Variants in TUT7 observed in about 807,000 individuals in gnomAD.
The protein encoded by TUT7 is terminal uridylyltransferase 7.
A neutral mutation model predicts 165.9 loss-of-function variants in TUT7; 33 were observed. The observed-to-expected ratio is 0.20, with a 90% CI of 0.15 to 0.27. The LOEUF is 0.27. Among genes scored for constraint, TUT7 ranks in the 10% least tolerant of loss-of-function variants. TUT7 has a pLI of 1.00. For synonymous variants in TUT7, 552 were observed against 608.1 expected, an observed-to-expected ratio of 0.91 and a Z score of 1.36; for missense variants, 1,338 against 1,762.3, an observed-to-expected ratio of 0.76 and a Z score of 4.31.
chr9:86,299,582 G>T (rs1048206275), intron 26 of TUT7, among the ~76,000 whole-genome samples: 61 of 152,124 alleles, frequency 4.0e-4, no homozygotes, highest in African/African-American at 1.4e-3. Flanking sequence ...CATTCTGAAG[G>T]GACCACATTT....
At chr9:86,341,261 C>A (rs887834423) in intron 6 of TUT7, among the ~76,000 whole-genome samples, 3 of 152,158 alleles carry the variant, frequency 2.0e-5, no homozygotes, top group African/African-American at 4.8e-5. Flanking sequence ...GGGCAAGAGA[C>A]CTACTATACA....
At position 86,346,445 on chromosome 9, in the gene TUT7, G is replaced by A. The variant is rs370301209; in HGVS notation, c.556C>T (p.Arg186Trp). The A allele has an allele frequency of 8.1e-6, 13 of 1,613,774 alleles. No homozygotes were observed. Among genetic ancestry groups the A allele is most frequent in the African/African-American group, 8.0e-5 (6 of 74,878 alleles). ...KKQRSRPRKP[R>W]KTRNEENEQD... ...TCATTTTCCTCATTTCTAGTCTTCC[G>A]TGGCTTCCTAGGTCTGGACCTCTGC... is the stretch of plus-strand genomic sequence containing the variant. Residue 186 changes from arginine to tryptophan, a missense_variant, in exon 3 of 27, where the codon CGG becomes TGG. By Grantham distance (101) the Arg-to-Trp change is moderately radical. Coordinates refer to ENST00000375963, the MANE Select transcript of TUT7 (RefSeq NM_024617.4).
intron 8 of TUT7, among the ~76,000 whole-genome samples, chr9:86,339,755 C>T (rs1192807182): frequency 2.0e-5 from 3 of 152,220 alleles, no homozygotes; most frequent in African/African-American, 7.2e-5. Context: ...CAGGTGATTA[C>T]AGCAAGTAAC....
chr9:86,291,187 A>C (rs1249369502), intron 26 of TUT7, among the ~76,000 whole-genome samples: 1 of 152,222 alleles, frequency 6.6e-6, no homozygotes, highest in Non-Finnish European at 1.5e-5. Context: ...AGCGGTATTC[A>C]GAATAAATGA....
chr9:86,301,909 T>C (rs1057406544), intron 25 of TUT7: 1 of 955,258 alleles, frequency 1.0e-6, no homozygotes, highest in African/African-American at 1.8e-5. Flanking sequence ...AGGCAAATCA[T>C]CCATGGAGTG....
At chr9:86,339,166 T>G (rs1587991461) in intron 8 of TUT7, among the ~76,000 whole-genome samples, 1 of 152,314 alleles carries the variant, frequency 6.6e-6, no homozygotes, top group East Asian at 1.9e-4. Flanking sequence ...AAACTTTATT[T>G]TTCGGATTAA....
intron 25 of TUT7, 116 bp from the exon 26 acceptor site, chr9:86,301,717 G>A (rs1322969889): frequency 1.3e-6 from 2 of 1,489,996 alleles, no homozygotes; most frequent in East Asian, 2.3e-5. Context: ...GGAATAGAAA[G>A]TATTAAAAGG....
chr9:86,314,746 T>C (rs925306037), intron 17 of TUT7, among the ~76,000 whole-genome samples: 4 of 152,190 alleles, frequency 2.6e-5, no homozygotes, highest in African/African-American at 9.7e-5. Context: ...TTTTATTGGG[T>C]CCTTTCCCTC....
At chr9:86,310,521 CAT>C (rs1242153711) in intron 18 of TUT7, among the ~76,000 whole-genome samples, 183 bp downstream of exon 18, 4 of 152,252 alleles carry the variant, frequency 2.6e-5, no homozygotes, top group African/African-American at 7.2e-5. Context: ...ATCCCTGAAA[CAT>C]ATCTGAATTA....
intron 10 of TUT7, among the ~76,000 whole-genome samples, chr9:86,333,043 TTC>T (rs1353274690): frequency 6.6e-6 from 1 of 152,172 alleles, no homozygotes; most frequent in Non-Finnish European, 1.5e-5. Flanking sequence ...TCTTGACTCT[TTC>T]TGAGTAATTC....
chr9:86,313,649 T>G (rs1828437663), intron 17 of TUT7, among the ~76,000 whole-genome samples: 1 of 152,184 alleles, frequency 6.6e-6, no homozygotes, highest in East Asian at 1.9e-4. Flanking sequence ...GAACCTAGTG[T>G]GGGTCAGGCT....
chr9:86,294,440 G>T (rs7858941), intron 26 of TUT7, among the ~76,000 whole-genome samples: 67,786 of 151,898 alleles, frequency 0.45, 15,329 homozygotes, highest in Middle Eastern at 0.6. Context: ...ACATCACTGT[G>T]ATTTTTTGTC....
In TUT7 at chr9:86,322,364, A is replaced by G. The variant is rs763263391; in HGVS notation, c.2989T>C (p.Phe997Leu). The change falls in exon 14 of 27, where the codon TTT becomes CTT. Residue 997 changes from phenylalanine (F) to leucine (L), a missense_variant. Transcript: ENST00000375963. ...LEPLPPLTPK[F>L]LNILDQVCIQ... ...CAGACTTGATCTAAGATATTTAAAA[A>G]CTTGGGTGTTAATGGTGGCAGAGGT... 6.2e-7 allele frequency: 1 copy of G among 1,614,048 alleles called. No homozygotes were observed. Among genetic ancestry groups the G allele is most frequent in the Non-Finnish European group, 8.5e-7 (1 of 1,179,940 alleles).
chr9:86,304,656 T>C (rs981355054), intron 24 of TUT7, among the ~76,000 whole-genome samples, 200 bp downstream of exon 24: 5 of 152,134 alleles, frequency 3.3e-5, no homozygotes, highest in African/African-American at 1.2e-4. Flanking sequence ...TCCAACTTCT[T>C]ACTATTTCTC....
intron 22 of TUT7, among the ~76,000 whole-genome samples, chr9:86,306,778 G>A (rs946764903): frequency 3.9e-5 from 6 of 152,066 alleles, no homozygotes; most frequent in South Asian, 2.1e-4. Context: ...CAGCCTGGGC[G>A]AGACAGTGAG....
Position 86,308,358 on chromosome 9 carries a change from G to A in TUT7, c.3838+71C>T, listed in dbSNP as rs72748794. On this transcript the variant is annotated intron_variant, in intron 22 of 26. Transcript: ENST00000375963. ...CCAAGCAGCTGGAAGAGCTCTGCAA[G>A]GAGGAAGAACAATGTCCTTATAGTT... The A allele has an allele frequency of 6.4e-3, 8,844 of 1,391,098 alleles. 35 individuals carry two copies. The highest frequency in any genetic ancestry group is 0.013 in the Middle Eastern group (54 of 4,170). The allele number at this position is 1,391,098 out of a possible 1,614,324, so 86.2% of individuals were successfully genotyped here.
chr9:86,295,652 G>T (rs1023999059), intron 26 of TUT7, among the ~76,000 whole-genome samples: 1 of 152,044 alleles, frequency 6.6e-6, no homozygotes, highest in Non-Finnish European at 1.5e-5. Context: ...ATTATTTTAA[G>T]CTTATTATCA....
At chr9:86,337,154 C>T (rs1830858010) in intron 10 of TUT7, 1 of 258,782 alleles carries the variant, frequency 3.9e-6, no homozygotes, top group Non-Finnish European at 7.4e-6. Context: ...GTCTCTTGTT[C>T]GTCTCAGGAC....
chr9:86,314,593 T>G (rs548498534), intron 17 of TUT7, among the ~76,000 whole-genome samples: 1 of 152,332 alleles, frequency 6.6e-6, no homozygotes, highest in South Asian at 2.1e-4. Context: ...GTACCAAATC[T>G]AGGAAATTTT....
Sources: gnomAD v4.1 joint callset for allele counts (sites outside exome capture counted in the v4.1 genomes callset) on GRCh38, gnomAD v4.1.1 for gene constraint, MANE v1.5 for transcripts, NCBI Gene and HGNC (gene_info 2026-07-23, HGNC 2026-07-21) for gene names.